The following TPR variants were observed in gnomAD, a reference collection of about 807,000 sequenced individuals.
TPR encodes translocated promoter region, nuclear basket protein, also known as nucleoprotein TPR.
In TPR, 51 loss-of-function variants were observed where a neutral mutation model predicts 316.1. That is an observed-to-expected ratio of 0.16 (90% CI 0.13 to 0.20). The LOEUF is 0.20. Ranked by LOEUF, TPR falls within the 10% of genes least tolerant of loss-of-function variation. TPR has a pLI of 1.00. For missense variants in TPR, 2,272 were observed against 2,754.8 expected, an observed-to-expected ratio of 0.82 and a Z score of 3.92; for synonymous variants, 981 against 914.7, an observed-to-expected ratio of 1.07 and a Z score of -1.31.
chr1:186,357,519 T>C lies in TPR; in HGVS notation c.1602A>G (p.Ser534=). 6.2e-7 allele frequency: 1 copy of C among 1,614,086 alleles called. No homozygotes were observed. The change falls in exon 14 of 51, where the codon TCA becomes TCG. Residue 534 remains serine, a synonymous_variant. Coordinates refer to ENST00000367478, the MANE Select transcript of TPR (RefSeq NM_003292.3). The part of the protein sequence containing the change: ...ADISSSSEVI[S]QHLVSYRNIE... Reference sequence around the variant, plus strand: ...TATTTCTGTAAGATACTAGATGCTGTGATATTACCTCAGATGAACTACTTA... The same window carrying C: ...TATTTCTGTAAGATACTAGATGCTGCGATATTACCTCAGATGAACTACTTA...
chr1:186,343,816 G>T, intron 26 of TPR, 90 bp downstream of exon 26: 3 of 1,125,364 alleles, frequency 2.7e-6, no homozygotes, highest in Non-Finnish European at 3.7e-6. Flanking sequence ...TATCAAAATC[G>T]TGTATAATCT....
intron 21 of TPR, 121 bp downstream of exon 21, chr1:186,350,102 T>G (rs931595226): frequency 3.0e-5 from 31 of 1,016,962 alleles, no homozygotes; most frequent in African/African-American, 6.7e-5. Flanking sequence ...GGGTTTTTTT[T>G]TGTGTTTGTT....
intron 1 of TPR, among the ~76,000 whole-genome samples, chr1:186,374,193 C>CTAA (rs1364563196): frequency 5.9e-5 from 9 of 152,002 alleles, no homozygotes; most frequent in Non-Finnish European, 1.0e-4. Flanking sequence ...TTGTATTTTA[C>CTAA]TAATGGTAAT....
chr1:186,346,065 T>C, intron 23 of TPR, 70 bp downstream of exon 23: 1 of 1,499,550 alleles, frequency 6.7e-7, no homozygotes, highest in South Asian at 1.4e-5. Context: ...AAATGGCAAC[T>C]AATGACTTAG....
intron 30 of TPR, among the ~76,000 whole-genome samples, chr1:186,338,899 G>T (rs1366462894): frequency 6.6e-6 from 1 of 151,988 alleles, no homozygotes; most frequent in African/African-American, 2.4e-5. Context: ...TCATTTTTAA[G>T]ATTAAAATAT....
intron 21 of TPR, among the ~76,000 whole-genome samples, chr1:186,349,646 C>T (rs1426720151): frequency 1.3e-5 from 2 of 148,470 alleles, no homozygotes; most frequent in South Asian, 2.1e-4. Flanking sequence ...GGCAACAGTG[C>T]GAGACTCTCT....
intron 39 of TPR, among the ~76,000 whole-genome samples, chr1:186,329,115 C>G (rs751467093): frequency 2.1e-4 from 32 of 152,128 alleles, no homozygotes; most frequent in South Asian, 8.3e-4. Context: ...GTTACACATT[C>G]AGTAGACAAT....
chr1:186,357,578 C>T lies in TPR; in HGVS notation c.1543G>A (p.Val515Ile), dbSNP rs202122615. ...MELEEARGNHVIRDEEVSSAD... is the reference protein window; with the variant it reads ...MELEEARGNHIIRDEEVSSAD... ...GAGCTTACTTCCTCATCACGAATTACGTGGTTACCCCTTGCTTCTTCAAGT... is the reference window on the plus strand; with the variant it reads ...GAGCTTACTTCCTCATCACGAATTATGTGGTTACCCCTTGCTTCTTCAAGT... Residue 515 changes from valine to isoleucine, a missense_variant, in exon 14 of 51, where the codon GTA (valine) becomes ATA (isoleucine). Transcript: ENST00000367478. The T allele has an allele frequency of 5.6e-6, 9 of 1,613,856 alleles. No homozygotes were observed. The highest frequency in any genetic ancestry group is 5.0e-5 in the Admixed American group (3 of 59,958).
intron 35 of TPR, among the ~76,000 whole-genome samples, 185 bp downstream of exon 35, chr1:186,334,883 T>C (rs1658291496): frequency 6.6e-6 from 1 of 152,150 alleles, no homozygotes; most frequent in Non-Finnish European, 1.5e-5. Flanking sequence ...CTTCATCTGA[T>C]AGGACTGAAA....
chr1:186,362,466 CTAAGT>C (rs1455616868), intron 6 of TPR, 86 bp from the exon 7 acceptor site: 9 of 990,204 alleles, frequency 9.1e-6, no homozygotes, highest in Non-Finnish European at 1.4e-5. Flanking sequence ...TAAGGAAAAG[CTAAGT>C]AACTCCCCCT....
In TPR at chr1:186,319,657, A is replaced by G. The variant is rs991005647; in HGVS notation, c.6568+655T>C. On this transcript the variant is annotated intron_variant, in intron 46 of 50. Coordinates refer to ENST00000367478, the MANE Select transcript of TPR (RefSeq NM_003292.3). ...ACATTACATGACTTTTATGATGGCT[A>G]AAGATTGAGCTTATTGTAATAGTAG... Among the ~76,000 whole-genome samples the G allele has an allele frequency of 4.6e-5, 7 of 152,310 alleles. No homozygotes were observed. The East Asian group carries it at 1.3e-3, about 29-fold the overall frequency.
intron 23 of TPR, among the ~76,000 whole-genome samples, chr1:186,345,917 AAAAAG>A: frequency 6.6e-6 from 1 of 152,240 alleles, no homozygotes; most frequent in Non-Finnish European, 1.5e-5. Flanking sequence ...AGGGGCTTTT[AAAAAG>A]AACCAGTGAT....
chr1:186,360,075 T>C (rs1466275859), intron 11 of TPR, 79 bp from the exon 12 acceptor site: 6 of 1,470,676 alleles, frequency 4.1e-6, no homozygotes, highest in Non-Finnish European at 5.6e-6. Context: ...ATAATAAACA[T>C]TCTTTAACAC....
intron 50 of TPR, chr1:186,314,258 T>C (rs781603642): frequency 6.6e-5 from 31 of 470,948 alleles, no homozygotes; most frequent in Non-Finnish European, 1.0e-4. Flanking sequence ...TTTTACACTT[T>C]TACTAGCTAA....
At chr1:186,364,459 T>C (rs1659278420) in intron 4 of TPR, among the ~76,000 whole-genome samples, 1 of 152,192 alleles carries the variant, frequency 6.6e-6, no homozygotes, top group Non-Finnish European at 1.5e-5. Context: ...AAAAAGTGCA[T>C]TTCTGCAAAA....
chr1:186,340,947 A>G, intron 29 of TPR, 81 bp downstream of exon 29: 2 of 1,525,240 alleles, frequency 1.3e-6, no homozygotes, highest in Non-Finnish European at 1.8e-6. Flanking sequence ...CTAGTTCCTC[A>G]AATATTTTTA....
Position 186,318,782 on chromosome 1 carries a change from C to T in TPR, c.6615G>A (p.Glu2205=), listed in dbSNP as rs757887511. ...TAGTGGGAACACTTCGGCCACCTGA[C>T]TCTTCTTCATGAGCTAGGAACAGGG... ...ETPLFLAHEE[E]SGGRSVPTTP... Residue 2205 remains glutamate (E), a synonymous_variant, in exon 47 of 51, where the codon GAG becomes GAA. Transcript: ENST00000367478. 7 of 1,614,136 alleles carry T rather than the reference C, an allele frequency of 4.3e-6. No individual in the cohort carries two copies. Among genetic ancestry groups the T allele is most frequent in the Non-Finnish European group, 5.9e-6 (7 of 1,180,038 alleles).
At chr1:186,353,644 A>G (rs1453657251) in intron 18 of TPR, 44 bp downstream of exon 18, 1 of 1,583,568 alleles carries the variant, frequency 6.3e-7, no homozygotes, top group African/African-American at 1.4e-5. Context: ...AGAAATGTCA[A>G]ATGCAACTTA....
rs992800578 is a variant in TPR at position 186,370,433 on chromosome 1, G to C, written c.330+537C>G. ...TACATTTCTTACAAAGCCTTTCTAG[G>C]TATACTACGAGGCTTTTTTGCGCCT... is the stretch of plus-strand genomic sequence containing the variant. On this transcript the variant is annotated intron_variant, in intron 3 of 50. Coordinates refer to ENST00000367478, the MANE Select transcript of TPR (RefSeq NM_003292.3). Among the ~76,000 whole-genome samples the C allele has an allele frequency of 2.6e-5, 4 of 152,070 alleles. No individual in the cohort carries two copies. The South Asian group carries it at 6.2e-4, about 24-fold the overall frequency.
Sources: gnomAD v4.1 joint callset for allele counts (sites outside exome capture counted in the v4.1 genomes callset) on GRCh38, gnomAD v4.1.1 for gene constraint, MANE v1.5 for transcripts, NCBI Gene and HGNC (gene_info 2026-07-23, HGNC 2026-07-21) for gene names.